Variants in RERE observed in about 807,000 individuals in gnomAD.
RERE encodes arginine-glutamic acid dipeptide repeats, also known as arginine-glutamic acid dipeptide repeats protein.
RERE carries 40 observed loss-of-function variants against 146.1 expected under a neutral mutation model. The ratio of observed to expected loss-of-function variants is 0.27; its 90% CI spans 0.21 to 0.36. RERE has a LOEUF of 0.36. Ranked by LOEUF, RERE falls within the 10% of genes least tolerant of loss-of-function variation. The probability of loss-of-function intolerance (pLI) is 1.00; values close to 1 mark genes in which losing one functional copy is unlikely to be tolerated. For synonymous variants in RERE, 1,003 were observed against 866.0 expected (o/e 1.16, Z -2.78); for missense variants, 1,933 against 2,138.7 (o/e 0.90, Z 1.90).
At chr1:8,606,197 C>T (rs1570501975) in intron 4 of RERE, among the ~76,000 whole-genome samples, 3 of 152,276 alleles carry the variant, frequency 2.0e-5, no homozygotes, top group South Asian at 4.1e-4. Flanking sequence ...GTTGAAATTA[C>T]ACGACCTTTC....
chr1:8,642,351 C>G (rs1647191823), intron 2 of RERE, among the ~76,000 whole-genome samples: 2 of 152,152 alleles, frequency 1.3e-5, no homozygotes, highest in Non-Finnish European at 2.9e-5. Context: ...CAGTGGGGTA[C>G]TAGATTATGC....
In RERE at chr1:8,668,924, C is replaced by CTGTGTGTGTGTGTGTGTGTG. The variant is rs58718828; in HGVS notation, c.-144-12503_-144-12484dup. ...TGAATATTCTAAAATGCACTAAACT[C>CTGTGTGTGTGTGTGTGTGTG]TGTGTGTGTGTGTGTGTGTGTGTGT... On this transcript the variant is annotated intron_variant, in intron 1 of 22. Transcript: ENST00000400908. Among the ~76,000 whole-genome samples the CTGTGTGTGTGTGTGTGTGTG allele has an allele frequency of 1.6e-3, 130 of 83,400 alleles. 12 individuals carry two copies. The highest frequency in any genetic ancestry group is 2.3e-3 in the Admixed American group (18 of 7,926). 54.7% of individuals were successfully genotyped at this position (83,400 alleles called of 152,430 possible).
intron 2 of RERE, among the ~76,000 whole-genome samples, chr1:8,630,680 A>G (rs2211117): frequency 6.6e-6 from 1 of 152,166 alleles, no homozygotes; most frequent in African/African-American, 2.4e-5. Flanking sequence ...TGATCCAGCC[A>G]CTGTACTCCA....
At chr1:8,528,376 A>C (rs1461653214) in intron 7 of RERE, among the ~76,000 whole-genome samples, 1 of 152,166 alleles carries the variant, frequency 6.6e-6, no homozygotes, top group Non-Finnish European at 1.5e-5. Flanking sequence ...AAAACTGGCA[A>C]AATCTGAATA....
At chr1:8,478,149 A>G (rs1644778860) in intron 10 of RERE, among the ~76,000 whole-genome samples, 2 of 152,220 alleles carry the variant, frequency 1.3e-5, no homozygotes. Context: ...GTATGATTTC[A>G]AAAGAGAAGA....
chr1:8,502,073 CG>C (rs1645173863), intron 8 of RERE, among the ~76,000 whole-genome samples: 1 of 79,502 alleles, frequency 1.3e-5, no homozygotes, highest in African/African-American at 4.5e-5. Context: ...CCGCCCCGTC[CG>C]GGAGGTGAGG....
chr1:8,723,462 T>G (rs1452078131), intron 1 of RERE, among the ~76,000 whole-genome samples: 8 of 151,024 alleles, frequency 5.3e-5, no homozygotes, highest in Admixed American at 5.3e-4. Context: ...CTAATCATTG[T>G]TTTTTTTTCT....
chr1:8,620,632 T>C (rs1646905370), intron 3 of RERE, among the ~76,000 whole-genome samples: 1 of 152,172 alleles, frequency 6.6e-6, no homozygotes, highest in Non-Finnish European at 1.5e-5. Flanking sequence ...CATTCCGTAT[T>C]ACTAGTCCTT....
Position 8,635,134 on chromosome 1 carries a change from T to G in RERE, c.326-10754A>C, listed in dbSNP as rs544264767. On this transcript the variant is annotated intron_variant, in intron 2 of 22. Coordinates refer to ENST00000400908, the MANE Select transcript of RERE (RefSeq NM_001042681.2). ...TTTCCTTTAAAGATCTTCAGCCCACTGTGAATTACAAATGTCATTTTACAA... is the reference window on the plus strand; with the variant it reads ...TTTCCTTTAAAGATCTTCAGCCCACGGTGAATTACAAATGTCATTTTACAA... Among the ~76,000 whole-genome samples the G allele has an allele frequency of 5.3e-5, 8 of 152,356 alleles. No homozygotes were observed. The South Asian group carries it at 1.7e-3, about 32-fold the overall frequency.
chr1:8,673,095 A>G (rs968819605), intron 1 of RERE, among the ~76,000 whole-genome samples: 3 of 151,936 alleles, frequency 2.0e-5, no homozygotes, highest in Non-Finnish European at 4.4e-5. Context: ...AGCCTAATTC[A>G]TTTATTTATT....
At chr1:8,670,181 T>A (rs1638681257) in intron 1 of RERE, among the ~76,000 whole-genome samples, 1 of 151,990 alleles carries the variant, frequency 6.6e-6, no homozygotes, top group Non-Finnish European at 1.5e-5. Context: ...CTGATGTCAT[T>A]CAAAAAGAAA....
chr1:8,749,541 C>A (rs1640489028), intron 1 of RERE, among the ~76,000 whole-genome samples: 1 of 151,702 alleles, frequency 6.6e-6, no homozygotes, highest in South Asian at 2.1e-4. Flanking sequence ...TAAGATGAAG[C>A]AAAGAAAAAA....
At chr1:8,452,704 G>A (rs767005344) in intron 11 of RERE, among the ~76,000 whole-genome samples, 7 of 152,198 alleles carry the variant, frequency 4.6e-5, no homozygotes, top group Non-Finnish European at 7.3e-5. Flanking sequence ...GCACACAAGA[G>A]TAGGAATGGA....
intron 1 of RERE, chr1:8,750,719 A>G (rs1046681511): frequency 4.0e-4 from 319 of 798,144 alleles, no homozygotes; most frequent in African/African-American, 5.5e-4. Flanking sequence ...GACCAGAGGT[A>G]TCAATGGTGT....
At chr1:8,565,528 GA>G (rs1381543832) in intron 4 of RERE, among the ~76,000 whole-genome samples, 12 of 152,140 alleles carry the variant, frequency 7.9e-5, no homozygotes, top group African/African-American at 2.9e-4. Flanking sequence ...CCAACATGGT[GA>G]AACCCTGTCT....
At chr1:8,770,668 T>C (rs1185908895) in intron 1 of RERE, among the ~76,000 whole-genome samples, 1 of 152,234 alleles carries the variant, frequency 6.6e-6, no homozygotes, top group Non-Finnish European at 1.5e-5. Flanking sequence ...TTTAAAAACC[T>C]ATGGCTAATG....
chr1:8,801,492 C>T (rs1478032008), intron 1 of RERE, among the ~76,000 whole-genome samples: 1 of 152,116 alleles, frequency 6.6e-6, no homozygotes, highest in Non-Finnish European at 1.5e-5. Context: ...TGGTCTTGAA[C>T]TCCCAACCTC....
intron 4 of RERE, among the ~76,000 whole-genome samples, chr1:8,594,017 G>A (rs780437363): frequency 1.3e-5 from 2 of 152,144 alleles, no homozygotes; most frequent in Admixed American, 6.5e-5. Flanking sequence ...AAACAACTAC[G>A]ATTTGGGGTT....
rs749652984 is a variant in RERE at position 8,359,731 on chromosome 1, C to T, written c.3618+33G>A. 5.6e-6 allele frequency: 9 copies of T among 1,593,052 alleles called. No homozygotes were observed. In the Admixed American group the frequency reaches 8.4e-5, roughly 15 times the overall value. On this transcript the variant is annotated intron_variant, in intron 19 of 22. Coordinates refer to ENST00000400908, the MANE Select transcript of RERE (RefSeq NM_001042681.2). Reference sequence around the variant, plus strand: ...CTCCCAGGCGCAGGATGGACCAGCGCCCCCCGTCACACCTCGCCAACCCTG... The same window carrying T: ...CTCCCAGGCGCAGGATGGACCAGCGTCCCCCGTCACACCTCGCCAACCCTG...
Sources: allele counts gnomAD v4.1 joint callset (sites outside exome capture counted in the v4.1 genomes callset), GRCh38; gene constraint gnomAD v4.1.1; transcripts MANE v1.5; gene names NCBI Gene and HGNC (gene_info 2026-07-23, HGNC 2026-07-21).